The following FHIT variants were observed in gnomAD, a reference collection of about 807,000 sequenced individuals.
The protein encoded by FHIT is bis(5'-adenosyl)-triphosphatase.
A neutral mutation model predicts 17.9 loss-of-function variants in FHIT; 19 were observed. The ratio of observed to expected loss-of-function variants is 1.06; its 90% CI spans 0.74 to 1.56. The LOEUF (loss-of-function observed/expected upper bound fraction) is 1.56. Ranked by LOEUF, FHIT falls within the 40% of genes most tolerant of loss-of-function variation. FHIT has a pLI of 0.00. For missense variants in FHIT, 248 were observed against 189.2 expected (o/e 1.31, Z -1.82); for synonymous variants, 81 against 69.7 (o/e 1.16, Z -0.81).
chr3:60,251,273 C>A (rs1163038838), intron 5 of FHIT, among the ~76,000 whole-genome samples: 2 of 152,094 alleles, frequency 1.3e-5, no homozygotes, highest in Non-Finnish European at 2.9e-5. Context: ...TGTAACAGAT[C>A]ATGTTGATTT....
chr3:59,872,304 C>G (rs993907212), intron 8 of FHIT, among the ~76,000 whole-genome samples: 1 of 152,122 alleles, frequency 6.6e-6, no homozygotes, highest in Non-Finnish European at 1.5e-5. Context: ...CAGGAAGAAA[C>G]AACCCTAAAG....
At chr3:60,893,590 C>T (rs1432713409) in intron 3 of FHIT, among the ~76,000 whole-genome samples, 2 of 152,142 alleles carry the variant, frequency 1.3e-5, no homozygotes, top group Non-Finnish European at 2.9e-5. Context: ...CTTTGTGTGA[C>T]AAGATTTGCC....
intron 4 of FHIT, among the ~76,000 whole-genome samples, chr3:60,612,485 CTA>C (rs2107734533): frequency 6.6e-6 from 1 of 152,310 alleles, no homozygotes; most frequent in East Asian, 1.9e-4. Flanking sequence ...ATCAGGAAAT[CTA>C]TGCCTGGCTT....
At chr3:60,213,702 C>G (rs1389180650) in intron 5 of FHIT, among the ~76,000 whole-genome samples, 1 of 152,092 alleles carries the variant, frequency 6.6e-6, no homozygotes, top group Non-Finnish European at 1.5e-5. Context: ...AGATGGAAAC[C>G]AGAATTTTTA....
chr3:60,073,303 CA>C (rs1458288510), intron 5 of FHIT, among the ~76,000 whole-genome samples: 1 of 151,990 alleles, frequency 6.6e-6, no homozygotes, highest in East Asian at 1.9e-4. Flanking sequence ...CTGTATATAA[CA>C]AAACTATTGG....
chr3:61,061,186 G>A (rs7616671), intron 2 of FHIT, among the ~76,000 whole-genome samples: 84,350 of 151,606 alleles, frequency 0.56, 24,465 homozygotes, highest in Non-Finnish European at 0.65. Context: ...TAGCTGGGAA[G>A]AAGTGAGATG....
chr3:60,195,872 A>C (rs1702617411), intron 5 of FHIT, among the ~76,000 whole-genome samples: 1 of 133,490 alleles, frequency 7.5e-6, no homozygotes, highest in African/African-American at 2.8e-5. Context: ...CTGGAGACTC[A>C]GAAGGGAGGG....
At chr3:59,814,349 G>T (rs1240628784) in intron 8 of FHIT, among the ~76,000 whole-genome samples, 2 of 152,184 alleles carry the variant, frequency 1.3e-5, no homozygotes, top group African/African-American at 2.4e-5. Context: ...GAGCACGTAT[G>T]GTCTTGGCCT....
intron 4 of FHIT, among the ~76,000 whole-genome samples, chr3:60,716,678 T>G (rs2041691776): frequency 6.6e-6 from 1 of 152,226 alleles, no homozygotes; most frequent in South Asian, 2.1e-4. Flanking sequence ...AGATAGTTCA[T>G]AAACCAGTAA....
At chr3:60,653,244 G>A (rs955706464) in intron 4 of FHIT, among the ~76,000 whole-genome samples, 3 of 152,034 alleles carry the variant, frequency 2.0e-5, no homozygotes, top group Non-Finnish European at 4.4e-5. Context: ...AGTTAATATC[G>A]TCAAGAAAGA....
chr3:59,858,766 A>G (rs1445673823), intron 8 of FHIT, among the ~76,000 whole-genome samples: 10 of 152,114 alleles, frequency 6.6e-5, no homozygotes, highest in Non-Finnish European at 5.9e-5. Context: ...ATGAGTATAT[A>G]TATTAAGGAT....
chr3:60,181,103 T>C (rs1279929507), intron 5 of FHIT, among the ~76,000 whole-genome samples: 1 of 151,898 alleles, frequency 6.6e-6, no homozygotes, highest in Admixed American at 6.6e-5. Context: ...GGAATATTAC[T>C]ATTACTCTCT....
At chr3:60,065,834 T>C (rs747644987) in intron 5 of FHIT, among the ~76,000 whole-genome samples, 1 of 152,134 alleles carries the variant, frequency 6.6e-6, no homozygotes, top group African/African-American at 2.4e-5. Context: ...TGCTGGGGAA[T>C]ACTCGGGGGA....
chr3:60,226,843 T>C (rs1431966469), intron 5 of FHIT, among the ~76,000 whole-genome samples: 1 of 152,180 alleles, frequency 6.6e-6, no homozygotes, highest in Non-Finnish European at 1.5e-5. Flanking sequence ...CTTGTCTCTA[T>C]TGTCACGCCA....
At chr3:60,902,984 T>C (rs1175738400) in intron 3 of FHIT, among the ~76,000 whole-genome samples, 1 of 152,144 alleles carries the variant, frequency 6.6e-6, no homozygotes, top group Admixed American at 6.5e-5. Context: ...ACTTACTACT[T>C]CCTAAGTATA....
intron 5 of FHIT, among the ~76,000 whole-genome samples, chr3:60,047,517 C>T (rs2106863314): frequency 6.6e-6 from 1 of 152,298 alleles, no homozygotes; most frequent in African/African-American, 2.4e-5. Context: ...AGACAACAGT[C>T]TTTAACGTCT....
At chr3:60,023,665 A>T (rs1700632817) in intron 5 of FHIT, among the ~76,000 whole-genome samples, 1 of 152,176 alleles carries the variant, frequency 6.6e-6, no homozygotes, top group Admixed American at 6.5e-5. Context: ...AGGAAATGAG[A>T]GAAAGGGAGA....
intron 8 of FHIT, among the ~76,000 whole-genome samples, chr3:59,865,287 TCA>T (rs1702594370): frequency 6.6e-6 from 1 of 152,178 alleles, no homozygotes; most frequent in Non-Finnish European, 1.5e-5. Context: ...ACCATGGCTG[TCA>T]CAGTGAAAAT....
intron 5 of FHIT, among the ~76,000 whole-genome samples, chr3:60,476,994 G>T (rs1049243176): frequency 6.6e-6 from 1 of 151,790 alleles, no homozygotes; most frequent in African/African-American, 2.4e-5. Context: ...TGTATGGTTT[G>T]TATATGTTTA....
Sources: gnomAD v4.1 joint callset for allele counts (sites outside exome capture counted in the v4.1 genomes callset) on GRCh38, gnomAD v4.1.1 for gene constraint, MANE v1.5 for transcripts, NCBI Gene and HGNC (gene_info 2026-07-23, HGNC 2026-07-21) for gene names.